Variants in GABRG3 observed in about 807,000 individuals in gnomAD.
GABRG3 encodes the protein gamma-aminobutyric acid receptor subunit gamma-3.
GABRG3 carries 25 observed loss-of-function variants against 48.8 expected under a neutral mutation model. That is an observed-to-expected ratio of 0.51 (90% CI 0.37 to 0.72). The LOEUF is 0.72. Among genes scored for constraint, GABRG3 ranks in the 30% least tolerant of loss-of-function variants. GABRG3 has a pLI of 0.00. For synonymous variants in GABRG3, 227 were observed against 217.6 expected (o/e 1.04, Z -0.38); for missense variants, 394 against 577.9 (o/e 0.68, Z 3.26).
chr15:27,249,752 A>G (rs924848078), intron 3 of GABRG3, among the ~76,000 whole-genome samples: 1 of 152,192 alleles, frequency 6.6e-6, no homozygotes, highest in Non-Finnish European at 1.5e-5. Context: ...AATTCCTTCA[A>G]CCCAAGCTGC....
chr15:27,287,164 C>T (rs1311366482), intron 3 of GABRG3, among the ~76,000 whole-genome samples: 1 of 152,162 alleles, frequency 6.6e-6, no homozygotes, highest in Non-Finnish European at 1.5e-5. Flanking sequence ...TCCTTCAGCA[C>T]ATTTTCTGTG....
chr15:27,409,352 C>G (rs1887731530), intron 5 of GABRG3, among the ~76,000 whole-genome samples: 2 of 152,076 alleles, frequency 1.3e-5, no homozygotes, highest in African/African-American at 4.8e-5. Context: ...AGAAAGCTAT[C>G]CTTCCTCCAT....
At chr15:27,388,282 AG>A (rs1566818310) in intron 5 of GABRG3, among the ~76,000 whole-genome samples, 3 of 49,192 alleles carry the variant, frequency 6.1e-5, no homozygotes, top group African/African-American at 3.0e-4. Context: ...AGGGTAAGGA[AG>A]GAAGGAAGAA....
intron 2 of GABRG3, among the ~76,000 whole-genome samples, chr15:26,981,699 G>GGACAGT (rs1895057526): frequency 6.6e-6 from 1 of 152,200 alleles, no homozygotes; most frequent in African/African-American, 2.4e-5. Context: ...ACAGTAAGGG[G>GGACAGT]AAGTGGGGAT....
At chr15:26,999,505 C>T (rs1328352410) in intron 2 of GABRG3, among the ~76,000 whole-genome samples, 1 of 151,980 alleles carries the variant, frequency 6.6e-6, no homozygotes, top group African/African-American at 2.4e-5. Flanking sequence ...TGTGTTTTTC[C>T]CCCCTGTGAA....
intron 3 of GABRG3, among the ~76,000 whole-genome samples, chr15:27,213,640 C>T (rs1165265819): frequency 6.6e-6 from 1 of 152,206 alleles, no homozygotes; most frequent in African/African-American, 2.4e-5. Flanking sequence ...GGGCCTTGTG[C>T]AGGGGCTCAT....
intron 3 of GABRG3, among the ~76,000 whole-genome samples, chr15:27,324,854 G>A (rs1893552927): frequency 6.6e-6 from 1 of 152,122 alleles, no homozygotes; most frequent in Admixed American, 6.5e-5. Context: ...AGGTATTTGG[G>A]CCCTACAGCT....
intron 3 of GABRG3, among the ~76,000 whole-genome samples, chr15:27,137,864 T>G (rs1263141543): frequency 6.6e-6 from 1 of 152,188 alleles, no homozygotes; most frequent in Non-Finnish European, 1.5e-5. Flanking sequence ...TATTTTTGTT[T>G]AAGGTAAGTA....
At chr15:27,396,162 C>T (rs1887292182) in intron 5 of GABRG3, among the ~76,000 whole-genome samples, 1 of 152,090 alleles carries the variant, frequency 6.6e-6, no homozygotes, top group Non-Finnish European at 1.5e-5. Flanking sequence ...ACATGGTGAG[C>T]CTGTACTTAC....
intron 5 of GABRG3, among the ~76,000 whole-genome samples, chr15:27,345,637 CCTTT>C (rs1263454050): frequency 1.3e-5 from 2 of 152,176 alleles, no homozygotes; most frequent in African/African-American, 2.4e-5. Context: ...CTCTAGTACT[CCTTT>C]CTTTTTTATA....
rs8026801 is a variant in GABRG3 at position 27,203,510 on chromosome 15, C to T, written c.271-123299C>T. On this transcript the variant is annotated intron_variant, in intron 3 of 9. Coordinates refer to ENST00000615808, the MANE Select transcript of GABRG3 (RefSeq NM_033223.5). Reference sequence around the variant, plus strand: ...TAGTGCTGTGATGAACATGCACATGCGTGTATCTTTATGGTAGAATGATTT... The same window carrying T: ...TAGTGCTGTGATGAACATGCACATGTGTGTATCTTTATGGTAGAATGATTT... Among the ~76,000 whole-genome samples, 1,207 of 152,216 alleles carry T rather than the reference C, an allele frequency of 7.9e-3. 18 individuals are homozygous for T. The highest frequency in any genetic ancestry group is 0.06 in the East Asian group (310 of 5,178).
intron 3 of GABRG3, among the ~76,000 whole-genome samples, chr15:27,055,725 T>A (rs1896534121): frequency 6.6e-6 from 1 of 152,158 alleles, no homozygotes; most frequent in Non-Finnish European, 1.5e-5. Flanking sequence ...TATGAAATAA[T>A]CTGAGATCTG....
At position 27,419,626 on chromosome 15, in the gene GABRG3, A is replaced by G. The variant is rs368017968; in HGVS notation, c.575-61024A>G. Among the ~76,000 whole-genome samples, 30 of 152,312 alleles carry G rather than the reference A, an allele frequency of 2.0e-4. No individual in the cohort carries two copies. In the East Asian group the frequency reaches 3.3e-3, roughly 17 times the overall value. ...TCAATAACTCCTCCGTAGCCAAATCATGAACACCACATGGGCAGCTTTGTC... is the reference window on the plus strand; with the variant it reads ...TCAATAACTCCTCCGTAGCCAAATCGTGAACACCACATGGGCAGCTTTGTC... On this transcript the variant is annotated intron_variant, in intron 5 of 9. Coordinates refer to ENST00000615808, the MANE Select transcript of GABRG3 (RefSeq NM_033223.5).
At chr15:27,041,273 C>G (rs1177861667) in intron 3 of GABRG3, among the ~76,000 whole-genome samples, 2 of 152,152 alleles carry the variant, frequency 1.3e-5, no homozygotes, top group Non-Finnish European at 2.9e-5. Flanking sequence ...ACCTCCTCCT[C>G]CCAGACTCAA....
chr15:27,069,144 G>A (rs910759925), intron 3 of GABRG3, among the ~76,000 whole-genome samples: 9 of 152,222 alleles, frequency 5.9e-5, no homozygotes, highest in African/African-American at 2.2e-4. Context: ...AGCTGCAGGG[G>A]TGCCGTGTGC....
At chr15:27,036,115 T>C (rs1357433193) in intron 3 of GABRG3, among the ~76,000 whole-genome samples, 1 of 152,204 alleles carries the variant, frequency 6.6e-6, no homozygotes, top group Non-Finnish European at 1.5e-5. Flanking sequence ...GAGGCTTCAG[T>C]TTATTTGAGG....
At chr15:27,511,494 C>T (rs1595802065) in intron 6 of GABRG3, among the ~76,000 whole-genome samples, 1 of 152,206 alleles carries the variant, frequency 6.6e-6, no homozygotes, top group East Asian at 1.9e-4. Flanking sequence ...AACACTACAT[C>T]ACTATACCTA....
At chr15:27,469,620 C>A (rs556429611) in intron 5 of GABRG3, among the ~76,000 whole-genome samples, 1 of 152,282 alleles carries the variant, frequency 6.6e-6, no homozygotes, top group South Asian at 2.1e-4. Context: ...GGATCACAGA[C>A]GTGAGCCACC....
At chr15:27,422,005 T>C (rs1888132984) in intron 5 of GABRG3, among the ~76,000 whole-genome samples, 1 of 151,274 alleles carries the variant, frequency 6.6e-6, no homozygotes, top group Non-Finnish European at 1.5e-5. Context: ...TTCTAAGATA[T>C]CCATGGGAAT....
Sources: allele counts gnomAD v4.1 joint callset (sites outside exome capture counted in the v4.1 genomes callset), GRCh38; gene constraint gnomAD v4.1.1; transcripts MANE v1.5; gene names NCBI Gene and HGNC (gene_info 2026-07-23, HGNC 2026-07-21).